The following MTCL1 variants were observed in gnomAD, a reference collection of about 807,000 sequenced individuals.
MTCL1 encodes microtubule crosslinking factor 1, also known as microtubule cross-linking factor 1.
Under a neutral mutation model 141.4 loss-of-function variants are expected in MTCL1, and 79 were observed. The ratio of observed to expected loss-of-function variants is 0.56; its 90% CI spans 0.47 to 0.67. MTCL1 has a LOEUF of 0.67. Among genes scored for constraint, MTCL1 ranks in the 30% least tolerant of loss-of-function variants. MTCL1 has a pLI of 0.00. For missense variants in MTCL1, 2,177 were observed against 2,113.9 expected (o/e 1.03, Z -0.59); for synonymous variants, 914 against 875.8 (o/e 1.04, Z -0.77).
At position 8,828,345 on chromosome 18, in the gene MTCL1, C is replaced by T. The variant is rs748815773; in HGVS notation, c.4723-563C>T. On this transcript the variant is annotated intron_variant, in intron 15 of 16. Coordinates refer to ENST00000359865, the Ensembl canonical transcript of MTCL1. The surrounding 1 kb of genome is among the most constrained non-coding windows in gnomAD (Gnocchi z 5.2). ...ACTCGGGCCTCTTTTTCTCTTGACA[C>T]CATGGCACTAGTTCAGCAGTGCAGA... is the stretch of plus-strand genomic sequence containing the variant. 7.9e-5 allele frequency among the ~76,000 whole-genome samples: 12 copies of T among 152,150 alleles called. No homozygotes were observed. The highest frequency in any genetic ancestry group is 1.6e-4 in the Non-Finnish European group (11 of 68,026).
At chr18:8,716,602 G>A (rs920460497), upstream of MTCL1, among the ~76,000 whole-genome samples, 8 of 133,604 alleles carry the variant, frequency 6.0e-5, no homozygotes, top group African/African-American at 1.8e-4. Flanking sequence ...TCTGAGGCTC[G>A]GATGTTGGGC....
At chr18:8,807,123 C>T (rs770312635) in intron 11 of MTCL1, 63 bp downstream of exon 10, 19 of 1,495,148 alleles carry the variant, frequency 1.3e-5, no homozygotes, top group African/African-American at 4.1e-5. Flanking sequence ...GGATATGTGG[C>T]GGGGGAGCGG....
At chr18:8,762,735 G>T (rs757442390) in intron 4 of MTCL1, among the ~76,000 whole-genome samples, 2 of 152,176 alleles carry the variant, frequency 1.3e-5, no homozygotes, top group Non-Finnish European at 2.9e-5. Flanking sequence ...GGCACACACA[G>T]CATGGGATGT....
Position 8,705,817 on chromosome 18 carries a change from C to A in MTCL1, c.157C>A (p.His53Asn). ...CGCCAGACCCTTCCTCAAGGACCTG[C>A]ACGCCCGGCCCGCCGCGCCCGGCCC... Residue 53 changes from histidine to asparagine, a missense_variant, in exon 1 of 14, where the codon CAC (histidine) becomes AAC (asparagine). By Grantham distance (68) the His-to-Asn change is moderately conservative. Transcript: ENST00000306329. This position sits in a 1 kb window ranked among gnomAD's most constrained non-coding sequence, Gnocchi z 5.2. The A allele has an allele frequency of 8.4e-7, 1 of 1,185,768 alleles. No individual in the cohort carries two copies. 73.5% of individuals were successfully genotyped at this position (1,185,768 alleles called of 1,614,324 possible).
At chr18:8,788,743 G>A (rs568792616) in intron 7 of MTCL1, among the ~76,000 whole-genome samples, 1 of 152,302 alleles carries the variant, frequency 6.6e-6, no homozygotes, top group African/African-American at 2.4e-5. Context: ...CTCCAAGGCC[G>A]GCATTCTTAT....
rs1047576689 is a variant in MTCL1 at position 8,707,585 on chromosome 18, G to A, written c.1053+872G>A. 2.0e-5 allele frequency: 3 copies of A among 152,662 alleles called. No individual in the cohort carries two copies. In the East Asian group the frequency reaches 5.8e-4, roughly 29 times the overall value. The allele number at this position is 152,662 out of a possible 1,614,324, so 9.5% of individuals were successfully genotyped here. A position where few individuals can be genotyped will look rare whatever the true frequency, so the allele number is the denominator to read the frequency against. On this transcript the variant is annotated intron_variant, in intron 1 of 13. Transcript: ENST00000306329. ...ATCCAGGTGACTTGAGAGAAAATAAGGGGAGTTGTATTGACACCAACTGTT... is the reference window on the plus strand; with the variant it reads ...ATCCAGGTGACTTGAGAGAAAATAAAGGGAGTTGTATTGACACCAACTGTT...
chr18:8,813,142 A>G, exon 12 of MTCL1: 1 of 1,614,170 alleles, frequency 6.2e-7, no homozygotes, highest in Non-Finnish European at 8.5e-7. Flanking sequence ...AAGAACTGGA[A>G]CCGGGAGAAG....
intron 4 of MTCL1, among the ~76,000 whole-genome samples, chr18:8,731,119 C>G (rs912661333): frequency 1.3e-5 from 2 of 152,016 alleles, no homozygotes; most frequent in Non-Finnish European, 2.9e-5. Flanking sequence ...GTGGCGGGCG[C>G]CTGTAGTCAT....
chr18:8,707,350 A>T (rs2096063861), intron 1 of MTCL1: 1 of 152,438 alleles, frequency 6.6e-6, no homozygotes, highest in African/African-American at 2.4e-5. Flanking sequence ...GTCCTTTGTA[A>T]GCATCCAGGA....
chr18:8,779,863 G>GTT lies in MTCL1; in HGVS notation c.417+1972_417+1973dup, dbSNP rs1311245900. Among the ~76,000 whole-genome samples the GTT allele has an allele frequency of 6.6e-6, 1 of 152,132 alleles. No individual in the cohort carries two copies. Among genetic ancestry groups the GTT allele is most frequent in the Non-Finnish European group, 1.5e-5 (1 of 68,026 alleles). ...TCAGGTAATCTACAAATTGACCCTT[G>GTT]TTAGAGTATGTCATAGGATCTTGCT... On this transcript the variant is annotated intron_variant, in intron 5 of 16. Transcript: ENST00000359865. The surrounding 1 kb of genome is among the most constrained non-coding windows in gnomAD (Gnocchi z 4.1).
intron 4 of MTCL1, among the ~76,000 whole-genome samples, chr18:8,753,273 GA>G (rs1294284954): frequency 6.6e-6 from 1 of 152,182 alleles, no homozygotes; most frequent in Non-Finnish European, 1.5e-5. Flanking sequence ...GTTTACCTAT[GA>G]ATCAACTATG....
chr18:8,798,047 A>C (rs1425164189), intron 9 of MTCL1, 50 bp from the exon 9 acceptor site: 1 of 1,531,842 alleles, frequency 6.5e-7, no homozygotes, highest in Non-Finnish European at 8.8e-7. Context: ...CAGGCTGTAC[A>C]GCAAAAGAAT....
At chr18:8,818,119 C>G (rs1238337970) in intron 12 of MTCL1, among the ~76,000 whole-genome samples, 1 of 152,212 alleles carries the variant, frequency 6.6e-6, no homozygotes, top group Non-Finnish European at 1.5e-5. Context: ...GGCTGGGCTC[C>G]CACTAGACGG....
chr18:8,718,280 C>A, intron 2 of MTCL1, 144 bp from the exon 2 acceptor site: 1 of 753,854 alleles, frequency 1.3e-6, no homozygotes, highest in African/African-American at 1.8e-5. Context: ...GGTTCTGGTG[C>A]CTGTCACCCA....
At chr18:8,826,037 A>G (rs748480365) in exon 15 of MTCL1, 1 of 1,611,158 alleles carries the variant, frequency 6.2e-7, no homozygotes, top group South Asian at 1.1e-5. Context: ...AGGAAGGGGG[A>G]GAGGGCACGC....
intron 4 of MTCL1, among the ~76,000 whole-genome samples, chr18:8,729,990 T>C (rs2096242166): frequency 1.3e-5 from 2 of 152,174 alleles, no homozygotes; most frequent in Non-Finnish European, 2.9e-5. Context: ...GCTATGAAAC[T>C]TAGGTCAAGC....
chr18:8,781,073 A>AG (rs2096530870), intron 5 of MTCL1, among the ~76,000 whole-genome samples: 1 of 148,602 alleles, frequency 6.7e-6, no homozygotes, highest in South Asian at 2.2e-4. Flanking sequence ...AGGCAGAGGC[A>AG]GGGGGCAGGA....
chr18:8,812,277 T>G (rs562823405), intron 11 of MTCL1, among the ~76,000 whole-genome samples: 49 of 152,182 alleles, frequency 3.2e-4, no homozygotes, highest in African/African-American at 1.1e-3. Flanking sequence ...TTGGCAATGG[T>G]TTTTTTTGTT....
exon 15 of MTCL1, chr18:8,824,897 G>A (rs749046430): frequency 4.3e-6 from 7 of 1,613,880 alleles, no homozygotes; most frequent in South Asian, 1.1e-5. Context: ...GTGGGGGGCC[G>A]GACCTTTGGG....
Sources: gnomAD v4.1 joint callset for allele counts (sites outside exome capture counted in the v4.1 genomes callset) on GRCh38, gnomAD v4.1.1 for gene constraint, Gnocchi (gnomAD v3.1) non-coding constraint, MANE v1.5 for transcripts, NCBI Gene and HGNC (gene_info 2026-07-23, HGNC 2026-07-21) for gene names.